Variants in ITPR1 observed in about 807,000 individuals in gnomAD.
ITPR1 encodes inositol 1,4,5-trisphosphate-gated calcium channel ITPR1.
In ITPR1, 96 loss-of-function variants were observed where a neutral mutation model predicts 318.4. That is an observed-to-expected ratio of 0.30 (90% CI 0.26 to 0.36). The LOEUF (loss-of-function observed/expected upper bound fraction) is 0.36, where lower values mean the gene tolerates loss of function less well. ITPR1 is among the 10% of genes least tolerant of loss of function. ITPR1 has a pLI of 1.00. For synonymous variants in ITPR1, 1,312 were observed against 1,289.9 expected (o/e 1.02, Z -0.37); for missense variants, 2,440 against 3,460.2 (o/e 0.71, Z 7.40).
chr3:4,533,268 G>A (rs865923954), intron 4 of ITPR1, among the ~76,000 whole-genome samples: 6 of 152,214 alleles, frequency 3.9e-5, no homozygotes, highest in Admixed American at 1.3e-4. Context: ...TGCCGAATCC[G>A]GTCATAATGA....
At chr3:4,646,826 A>G (rs1344392059) in intron 10 of ITPR1, among the ~76,000 whole-genome samples, 1 of 152,096 alleles carries the variant, frequency 6.6e-6, no homozygotes, top group Non-Finnish European at 1.5e-5. Context: ...TAGAATTCTA[A>G]TTCAAATTTC....
chr3:4,725,667 T>A, intron 41 of ITPR1, 86 bp downstream of exon 41: 2 of 1,213,330 alleles, frequency 1.6e-6, no homozygotes, highest in Non-Finnish European at 2.4e-6. Context: ...TGAATTGTTG[T>A]AACAAAAAGT....
chr3:4,614,474 T>A (rs905281151), intron 4 of ITPR1, among the ~76,000 whole-genome samples: 1 of 152,250 alleles, frequency 6.6e-6, no homozygotes, highest in Non-Finnish European at 1.5e-5. Flanking sequence ...TAGTTTAATT[T>A]TTAAAGTTAA....
intron 10 of ITPR1, 48 bp downstream of exon 10, chr3:4,645,776 C>T (rs958847761): frequency 2.7e-6 from 4 of 1,463,924 alleles, no homozygotes; most frequent in Non-Finnish European, 3.6e-6. Context: ...GGATATCAGC[C>T]TGTATATAGG....
chr3:4,700,824 C>T (rs1229414775), intron 35 of ITPR1, among the ~76,000 whole-genome samples: 1 of 152,186 alleles, frequency 6.6e-6, no homozygotes, highest in Non-Finnish European at 1.5e-5. Context: ...GCCTCACAGT[C>T]ATGGTGGAGG....
chr3:4,632,420 G>A (rs1390901049), intron 5 of ITPR1, among the ~76,000 whole-genome samples: 1 of 152,172 alleles, frequency 6.6e-6, no homozygotes, highest in Non-Finnish European at 1.5e-5. Flanking sequence ...AAGTGGGCTT[G>A]GTGGGTAGTG....
chr3:4,513,115 A>G (rs1045271221), intron 2 of ITPR1, among the ~76,000 whole-genome samples: 1 of 152,148 alleles, frequency 6.6e-6, no homozygotes, highest in African/African-American at 2.4e-5. Context: ...CCACGATCAG[A>G]TAAAGAGGCG....
At chr3:4,576,147 G>A (rs1352821484) in intron 4 of ITPR1, among the ~76,000 whole-genome samples, 1 of 151,898 alleles carries the variant, frequency 6.6e-6, no homozygotes, top group Non-Finnish European at 1.5e-5. Flanking sequence ...AATTAATATA[G>A]GAAACATTGC....
chr3:4,732,567 T>A (rs771419206), intron 42 of ITPR1, among the ~76,000 whole-genome samples: 6 of 152,236 alleles, frequency 3.9e-5, no homozygotes, highest in Non-Finnish European at 8.8e-5. Flanking sequence ...GTTGTTGTTT[T>A]GGTTTGTCTT....
At chr3:4,811,111 G>A (rs1044248664) in intron 55 of ITPR1, among the ~76,000 whole-genome samples, 154 bp from the exon 56 acceptor site, 1 of 152,096 alleles carries the variant, frequency 6.6e-6, no homozygotes, top group African/African-American at 2.4e-5. Context: ...CCGTTTCACT[G>A]TGAAGCCAGG....
chr3:4,671,047 A>G lies in ITPR1; in HGVS notation c.2204+121A>G, dbSNP rs2094067095. On this transcript the variant is annotated intron_variant, in intron 20 of 61. Transcript: ENST00000649015. ...AAGGAGTCATCTTGTAAGATTGTCTAGAAAAAAGCCAGATGTGTGTTTTAG... is the reference window on the plus strand; with the variant it reads ...AAGGAGTCATCTTGTAAGATTGTCTGGAAAAAAGCCAGATGTGTGTTTTAG... 3 of 719,430 alleles carry G rather than the reference A, an allele frequency of 4.2e-6. No individual in the cohort carries two copies. In the East Asian group the frequency reaches 8.6e-5, roughly 21 times the overall value. The allele number at this position is 719,430 out of a possible 1,614,324, so 44.6% of individuals were successfully genotyped here.
chr3:4,841,396 A>G (rs947557785), intron 61 of ITPR1, among the ~76,000 whole-genome samples: 10 of 152,228 alleles, frequency 6.6e-5, no homozygotes, highest in African/African-American at 2.4e-4. Flanking sequence ...AGGAATCAGC[A>G]TGAGCAACGG....
At chr3:4,692,110 C>G (rs1309914115) in intron 32 of ITPR1, among the ~76,000 whole-genome samples, 1 of 150,244 alleles carries the variant, frequency 6.7e-6, no homozygotes, top group Middle Eastern at 3.4e-3. Flanking sequence ...CCACTGCACT[C>G]CAGCCTGGGC....
intron 4 of ITPR1, among the ~76,000 whole-genome samples, chr3:4,534,918 A>G (rs1054332142): frequency 1.3e-5 from 2 of 152,206 alleles, no homozygotes; most frequent in African/African-American, 4.8e-5. Flanking sequence ...ATCACTTGAG[A>G]ACTTTGCTTC....
At chr3:4,566,606 A>ACACG (rs1553626580) in intron 4 of ITPR1, among the ~76,000 whole-genome samples, 3 of 119,110 alleles carry the variant, frequency 2.5e-5, no homozygotes, top group Non-Finnish European at 5.8e-5. Context: ...GGACACATGC[A>ACACG]CACACACACA....
chr3:4,558,063 C>T (rs888884782), intron 4 of ITPR1, among the ~76,000 whole-genome samples: 4 of 152,156 alleles, frequency 2.6e-5, no homozygotes, highest in South Asian at 2.1e-4. Flanking sequence ...ATTCTCAAAC[C>T]GGCCAACTTC....
intron 51 of ITPR1, among the ~76,000 whole-genome samples, chr3:4,784,158 G>T (rs962444728): frequency 7.9e-5 from 12 of 152,156 alleles, no homozygotes; most frequent in Non-Finnish European, 1.5e-4. Context: ...AATTCACGAG[G>T]ACAGGTGGGA....
intron 4 of ITPR1, among the ~76,000 whole-genome samples, chr3:4,614,785 C>G (rs987730143): frequency 1.3e-5 from 2 of 152,154 alleles, no homozygotes; most frequent in Non-Finnish European, 2.9e-5. Flanking sequence ...GGCTGCTCAC[C>G]CAGGGAGGGG....
At chr3:4,537,166 G>C (rs572052378) in intron 4 of ITPR1, among the ~76,000 whole-genome samples, 1 of 152,328 alleles carries the variant, frequency 6.6e-6, no homozygotes, top group East Asian at 1.9e-4. Flanking sequence ...GAGTTGTGGA[G>C]TGTTTCCTTT....
Sources: gnomAD v4.1 joint callset for allele counts (sites outside exome capture counted in the v4.1 genomes callset) on GRCh38, gnomAD v4.1.1 for gene constraint, MANE v1.5 for transcripts, NCBI Gene and HGNC (gene_info 2026-07-23, HGNC 2026-07-21) for gene names.